Variants in MRPL37 observed in about 807,000 individuals in gnomAD.
MRPL37 encodes large ribosomal subunit protein mL37.
MRPL37 carries 34 observed loss-of-function variants against 44.1 expected under a neutral mutation model. The observed-to-expected ratio is 0.77, with a 90% confidence interval of 0.59 to 1.03. MRPL37 has a LOEUF of 1.03. Ranked by LOEUF, MRPL37 falls within the 50% of genes least tolerant of loss-of-function variation. The probability of loss-of-function intolerance (pLI) is 0.00; values close to 1 mark genes in which losing one functional copy is unlikely to be tolerated. For missense variants in MRPL37, 532 were observed against 543.7 expected, an observed-to-expected ratio of 0.98 and a Z score of 0.21; for synonymous variants, 212 against 219.5, an observed-to-expected ratio of 0.97 and a Z score of 0.30.
intron 5 of MRPL37, 65 bp downstream of exon 5, chr1:54,212,723 T>G: frequency 6.3e-7 from 1 of 1,593,990 alleles, no homozygotes; most frequent in Non-Finnish European, 8.6e-7. Context: ...TTAAGGTTAC[T>G]GCTCAGAGGA....
chr1:54,213,704 C>G (rs181241379), intron 5 of MRPL37, among the ~76,000 whole-genome samples: 3 of 152,214 alleles, frequency 2.0e-5, no homozygotes, highest in Admixed American at 2.0e-4. Flanking sequence ...GCCCAGCGAT[C>G]AGCGTTTTAA....
intron 1 of MRPL37, among the ~76,000 whole-genome samples, chr1:54,202,923 A>G (rs1458218240): frequency 6.6e-6 from 1 of 152,206 alleles, no homozygotes; most frequent in Non-Finnish European, 1.5e-5. Context: ...AGAAGAATAT[A>G]GTATTGACTT....
rs1644114638 is a variant in MRPL37 at position 54,205,404 on chromosome 1, A to G, written c.640A>G (p.Asn214Asp). ...VQNSTFSATW[N>D]RESLLLQVRG... Reference sequence around the variant, plus strand: ...AAACTCCACGTTTTCTGCTACCTGGAACCGAGGTTGGTCATCTTGTACACC... The same window carrying G: ...AAACTCCACGTTTTCTGCTACCTGGGACCGAGGTTGGTCATCTTGTACACC... Residue 214 changes from asparagine to aspartate, a missense_variant, in exon 3 of 7, where the codon AAC (asparagine) becomes GAC (aspartate). Asn to Asp is a conservative substitution (Grantham distance 23). Transcript: ENST00000360840. The G allele has an allele frequency of 2.5e-6, 4 of 1,613,114 alleles. No individual in the cohort carries two copies. The highest frequency in any genetic ancestry group is 2.2e-5 in the South Asian group (2 of 91,002).
At chr1:54,221,464 G>T (rs187869621), downstream of MRPL37, among the ~76,000 whole-genome samples, 1 of 152,088 alleles carries the variant, frequency 6.6e-6, no homozygotes, top group Admixed American at 6.5e-5. Flanking sequence ...CCCGATCCAG[G>T]GACCCTCTCC....
Position 54,205,090 on chromosome 1 carries a change from T to C in MRPL37, c.419T>C (p.Val140Ala). 1 of 1,614,122 alleles carries C rather than the reference T, an allele frequency of 6.2e-7. No individual in the cohort carries two copies. The highest frequency in any genetic ancestry group is 2.2e-5 in the East Asian group (1 of 44,882). ...EGLPEKVLSL[V>A]DDPRNHIENQ... ...CTTCCCGAGAAAGTGCTTAGCCTTG[T>C]TGATGATCCAAGGAACCACATAGAG... is the stretch of plus-strand genomic sequence containing the variant. Residue 140 changes from valine (V) to alanine (A), a missense_variant, in exon 2 of 7, where the codon GTT (valine) becomes GCT (alanine). Transcript: ENST00000360840.
At chr1:54,202,948 G>A (rs532688068) in intron 1 of MRPL37, among the ~76,000 whole-genome samples, 3 of 152,326 alleles carry the variant, frequency 2.0e-5, no homozygotes, top group African/African-American at 4.8e-5. Context: ...TTTGAAAATA[G>A]AGGACTGGTG....
At chr1:54,212,754 C>T in intron 5 of MRPL37, 96 bp downstream of exon 5, 1 of 1,524,402 alleles carries the variant, frequency 6.6e-7, no homozygotes, top group Non-Finnish European at 8.9e-7. Context: ...TATAGGGGAA[C>T]TGATTTCTTG....
At chr1:54,206,482 T>C (rs1361290829) in intron 3 of MRPL37, among the ~76,000 whole-genome samples, 1 of 152,106 alleles carries the variant, frequency 6.6e-6, no homozygotes, top group Non-Finnish European at 1.5e-5. Context: ...CAATCTCAGC[T>C]CACTGCAACC....
chr1:54,213,875 C>G (rs750839011), intron 5 of MRPL37, among the ~76,000 whole-genome samples: 13 of 152,084 alleles, frequency 8.5e-5, no homozygotes, highest in Non-Finnish European at 1.8e-4. Context: ...TGGCAAAACC[C>G]CATCTCTACT....
At position 54,210,113 on chromosome 1, in the gene MRPL37, G is replaced by A; in HGVS notation, c.814G>A (p.Asp272Asn). Residue 272 changes from aspartate (D) to asparagine (N), a missense_variant, in exon 4 of 7, where the codon GAT becomes AAT. By Grantham distance (23) the Asp-to-Asn change is conservative (BLOSUM62 1). Transcript: ENST00000360840. ...CGATCTTCATGAATGCAATATTTATGATGTGAAAAATGACACAGGTAAGGA... is the reference window on the plus strand; with the variant it reads ...CGATCTTCATGAATGCAATATTTATAATGTGAAAAATGACACAGGTAAGGA... ...IIDLHECNIYDVKNDTGFQEG... is the reference protein window; with the variant it reads ...IIDLHECNIYNVKNDTGFQEG... 2 of 1,614,018 alleles carry A rather than the reference G, an allele frequency of 1.2e-6. No homozygotes were observed. Among genetic ancestry groups the A allele is most frequent in the Non-Finnish European group, 1.7e-6 (2 of 1,179,960 alleles).
In MRPL37 at chr1:54,210,089, G is replaced by A. The variant is rs577122434; in HGVS notation, c.790G>A (p.Asp264Asn). 35 of 1,614,026 alleles carry A rather than the reference G, an allele frequency of 2.2e-5. No homozygotes were observed. The highest frequency in any genetic ancestry group is 8.9e-5 in the East Asian group (4 of 44,876). Residue 264 changes from aspartate (D) to asparagine (N), a missense_variant, in exon 4 of 7, where the codon GAT becomes AAT. Coordinates refer to ENST00000360840, the MANE Select transcript of MRPL37 (RefSeq NM_016491.4). ...CTTCTACCCCATATCACCCATCATC[G>A]ATCTTCATGAATGCAATATTTATGA... Reference protein sequence around the residue: ...ETFYPISPIIDLHECNIYDVK... With the variant: ...ETFYPISPIINLHECNIYDVK...
downstream of MRPL37, among the ~76,000 whole-genome samples, chr1:54,223,970 A>T (rs10788975): frequency 6.6e-6 from 1 of 152,042 alleles, no homozygotes; most frequent in Non-Finnish European, 1.5e-5. Context: ...GGCAACTGCC[A>T]GGCTGCCGAG....
chr1:54,200,235 C>G lies in MRPL37; in HGVS notation c.-9C>G, dbSNP rs1557729206. 1 of 1,555,406 alleles carries G rather than the reference C, an allele frequency of 6.4e-7. No individual in the cohort carries two copies. The highest frequency in any genetic ancestry group is 8.7e-7 in the Non-Finnish European group (1 of 1,156,030). ...GTCCAGGTGGAGGTCTTGAGGCTAT[C>G]AGATCGGTATGGCATTGGCGTCCGG... On this transcript the variant is annotated 5_prime_UTR_variant, in exon 1 of 7. In the 5' UTR this introduces an upstream ATG that the reference lacks. Coordinates refer to ENST00000360840, the MANE Select transcript of MRPL37 (RefSeq NM_016491.4).
At chr1:54,215,192 G>A (rs183865585) in intron 5 of MRPL37, among the ~76,000 whole-genome samples, 28 of 152,290 alleles carry the variant, frequency 1.8e-4, no homozygotes, top group Non-Finnish European at 3.7e-4. Context: ...TAGATACACT[G>A]GGACACCAGG....
chr1:54,222,489 CAG>C (rs1644243136), downstream of MRPL37, among the ~76,000 whole-genome samples: 1 of 152,140 alleles, frequency 6.6e-6, no homozygotes, highest in Non-Finnish European at 1.5e-5. Flanking sequence ...GACTTGGTCC[CAG>C]AGTCACGGTG....
At chr1:54,202,287 C>G (rs1367164387) in intron 1 of MRPL37, among the ~76,000 whole-genome samples, 1 of 152,120 alleles carries the variant, frequency 6.6e-6, no homozygotes, top group South Asian at 2.1e-4. Context: ...TAGGTGTGAG[C>G]CACTGCCCCT....
intron 3 of MRPL37, among the ~76,000 whole-genome samples, chr1:54,206,629 C>G (rs897931964): frequency 2.6e-5 from 4 of 152,002 alleles, no homozygotes; most frequent in African/African-American, 9.7e-5. Flanking sequence ...AGGCTGGTCT[C>G]GAACTCCTGG....
chr1:54,211,890 C>A (rs956125490), intron 4 of MRPL37, among the ~76,000 whole-genome samples: 15 of 152,112 alleles, frequency 9.9e-5, no homozygotes, highest in African/African-American at 3.6e-4. Flanking sequence ...CGTAGCCATG[C>A]GGGAGAAGAG....
intron 4 of MRPL37, among the ~76,000 whole-genome samples, chr1:54,212,036 A>G (rs1306295948): frequency 4.6e-5 from 7 of 152,326 alleles, no homozygotes; most frequent in African/African-American, 1.7e-4. Flanking sequence ...AATTTTGCAA[A>G]TGACTTGCTT....
Sources: allele counts gnomAD v4.1 joint callset (sites outside exome capture counted in the v4.1 genomes callset), GRCh38; gene constraint gnomAD v4.1.1; transcripts MANE v1.5; gene names NCBI Gene and HGNC (gene_info 2026-07-23, HGNC 2026-07-21).